The following FHIT variants were observed in gnomAD, a reference collection of about 807,000 sequenced individuals.
FHIT encodes fragile histidine triad diadenosine triphosphatase, also known as bis(5'-adenosyl)-triphosphatase.
FHIT carries 19 observed loss-of-function variants against 17.9 expected under a neutral mutation model. The ratio of observed to expected loss-of-function variants is 1.06; its 90% CI spans 0.74 to 1.56. The LOEUF (loss-of-function observed/expected upper bound fraction) is 1.56, where lower values mean the gene tolerates loss of function less well. Among genes scored for constraint, FHIT ranks in the 40% most tolerant of loss-of-function variants. FHIT has a pLI of 0.00. For synonymous variants in FHIT, 81 were observed against 69.7 expected, an observed-to-expected ratio of 1.16 and a Z score of -0.81; for missense variants, 248 against 189.2, an observed-to-expected ratio of 1.31 and a Z score of -1.82.
At chr3:60,262,739 C>T (rs1426897381) in intron 5 of FHIT, among the ~76,000 whole-genome samples, 1 of 151,816 alleles carries the variant, frequency 6.6e-6, no homozygotes, top group Non-Finnish European at 1.5e-5. Flanking sequence ...CTGAAATTCC[C>T]TGACGGCAAA....
intron 4 of FHIT, among the ~76,000 whole-genome samples, chr3:60,709,048 A>G (rs1381658388): frequency 3.9e-5 from 6 of 152,166 alleles, no homozygotes; most frequent in African/African-American, 7.2e-5. Flanking sequence ...GTTCTCAAAC[A>G]TTTTGGTCTC....
chr3:60,432,567 G>C (rs140539360), intron 5 of FHIT, among the ~76,000 whole-genome samples: 1 of 152,046 alleles, frequency 6.6e-6, no homozygotes, highest in Non-Finnish European at 1.5e-5. Flanking sequence ...TGGCTTATCA[G>C]TACTTCATAA....
chr3:60,557,862 T>C lies in FHIT; in HGVS notation c.-17-20883A>G, dbSNP rs966021639. 5.9e-5 allele frequency among the ~76,000 whole-genome samples: 9 copies of C among 152,238 alleles called. No homozygotes were observed. The East Asian group carries it at 1.6e-3, about 26-fold the overall frequency. ...CCCAGTGCAGAATCTCTGAGCTCTG[T>C]AATCTTAAAGGCTTTTGCTTTTAAA... On this transcript the variant is annotated intron_variant, in intron 4 of 9. Coordinates refer to ENST00000492590, the MANE Select transcript of FHIT (RefSeq NM_002012.4).
At chr3:60,498,627 A>T (rs1281330526) in intron 5 of FHIT, among the ~76,000 whole-genome samples, 1 of 152,180 alleles carries the variant, frequency 6.6e-6, no homozygotes, top group African/African-American at 2.4e-5. Flanking sequence ...GCTTCAATCC[A>T]TCTGTCTTTG....
chr3:60,188,207 C>CTTTTTTTTT (rs1210975877), intron 5 of FHIT, among the ~76,000 whole-genome samples: 2 of 125,578 alleles, frequency 1.6e-5, no homozygotes, highest in African/African-American at 5.9e-5. Context: ...CAGTTTCTTT[C>CTTTTTTTTT]TTTTTTTTTT....
chr3:59,769,093 G>A (rs1019030057), intron 8 of FHIT, among the ~76,000 whole-genome samples: 1 of 152,200 alleles, frequency 6.6e-6, no homozygotes, highest in Non-Finnish European at 1.5e-5. Context: ...AGGTATGTCT[G>A]TGCCTGCACA....
At chr3:60,152,837 G>T (rs1409571003) in intron 5 of FHIT, among the ~76,000 whole-genome samples, 5 of 152,078 alleles carry the variant, frequency 3.3e-5, no homozygotes, top group African/African-American at 1.2e-4. Flanking sequence ...CAAACCTGTA[G>T]GTTAAAACAT....
intron 4 of FHIT, among the ~76,000 whole-genome samples, chr3:60,641,705 C>T (rs764997631): frequency 6.6e-6 from 1 of 152,110 alleles, no homozygotes; most frequent in Non-Finnish European, 1.5e-5. Flanking sequence ...CCCTAGTTAT[C>T]TCCATCTGAA....
chr3:60,659,006 C>T (rs1553690392), intron 4 of FHIT, among the ~76,000 whole-genome samples: 1 of 150,138 alleles, frequency 6.7e-6, no homozygotes, highest in Non-Finnish European at 1.5e-5. Flanking sequence ...TTCTTACTCA[C>T]TTTTGAAGGA....
intron 4 of FHIT, among the ~76,000 whole-genome samples, chr3:60,616,416 CTT>C (rs782650957): frequency 2.5e-4 from 38 of 152,122 alleles, no homozygotes; most frequent in African/African-American, 7.2e-4. Flanking sequence ...CCTCCATACT[CTT>C]TGATTCTTTT....
intron 5 of FHIT, among the ~76,000 whole-genome samples, chr3:60,327,718 G>A (rs1214002505): frequency 6.6e-6 from 1 of 152,270 alleles, no homozygotes; most frequent in East Asian, 1.9e-4. Flanking sequence ...AGCAGAATGG[G>A]TAAGTAAAAC....
intron 3 of FHIT, among the ~76,000 whole-genome samples, chr3:60,905,341 T>A (rs1706350482): frequency 6.6e-6 from 1 of 152,248 alleles, no homozygotes; most frequent in Admixed American, 6.5e-5. Context: ...TCTCAGGCAT[T>A]GCTAGTTAGA....
intron 8 of FHIT, among the ~76,000 whole-genome samples, chr3:59,899,312 G>T (rs1166075894): frequency 6.6e-6 from 1 of 152,206 alleles, no homozygotes; most frequent in Admixed American, 6.5e-5. Context: ...GCAGAGAATG[G>T]CTGGACAAAG....
chr3:60,147,312 A>G (rs906776415), intron 5 of FHIT, among the ~76,000 whole-genome samples: 1 of 152,196 alleles, frequency 6.6e-6, no homozygotes, highest in Admixed American at 6.5e-5. Flanking sequence ...TAGAGTTCAA[A>G]TTTTAGAATA....
At chr3:60,833,178 G>A (rs190469298) in intron 3 of FHIT, among the ~76,000 whole-genome samples, 2 of 152,188 alleles carry the variant, frequency 1.3e-5, no homozygotes, top group East Asian at 3.9e-4. Context: ...CTTAAGCCCC[G>A]ATTTTCATCA....
intron 4 of FHIT, chr3:60,690,248 T>G (rs1373125628): frequency 9.3e-6 from 5 of 538,570 alleles, no homozygotes; most frequent in Non-Finnish European, 1.1e-5. Context: ...CAGTCAGCAA[T>G]AGTGACCTTC....
At chr3:60,671,777 T>TAA (rs11427587) in intron 4 of FHIT, among the ~76,000 whole-genome samples, 1,861 of 139,256 alleles carry the variant, frequency 0.013, 33 homozygotes, top group African/African-American at 0.037. Flanking sequence ...CCATCTCTAC[T>TAA]AAAAAAAAAA....
intron 1 of FHIT, among the ~76,000 whole-genome samples, chr3:61,207,955 G>A (rs930838742): frequency 6.6e-6 from 1 of 152,048 alleles, no homozygotes; most frequent in Admixed American, 6.5e-5. Context: ...GGCATTTAGT[G>A]CTATAAATTT....
At chr3:60,115,929 T>TAA (rs1704937121) in intron 5 of FHIT, among the ~76,000 whole-genome samples, 1 of 152,156 alleles carries the variant, frequency 6.6e-6, no homozygotes, top group African/African-American at 2.4e-5. Flanking sequence ...GGAAGGAAAT[T>TAA]TACTCAAATG....
Sources: allele counts gnomAD v4.1 joint callset (sites outside exome capture counted in the v4.1 genomes callset), GRCh38; gene constraint gnomAD v4.1.1; transcripts MANE v1.5; gene names NCBI Gene and HGNC (gene_info 2026-07-23, HGNC 2026-07-21).